The following RPH3A variants were observed in gnomAD, a reference collection of about 807,000 sequenced individuals.
The protein encoded by RPH3A is rabphilin 3A.
Under a neutral mutation model 102.2 loss-of-function variants are expected in RPH3A, and 48 were observed. That is an observed-to-expected ratio of 0.47 (90% confidence interval 0.37 to 0.60). The LOEUF is 0.60. RPH3A is among the 20% of genes least tolerant of loss of function. The probability of loss-of-function intolerance (pLI) is 0.00; values close to 1 mark genes in which losing one functional copy is unlikely to be tolerated. For missense variants in RPH3A, 781 were observed against 910.1 expected (o/e 0.86, Z 1.83); for synonymous variants, 310 against 324.3 (o/e 0.96, Z 0.47).
chr12:112,635,596 G>A (rs1229585288), intron 1 of RPH3A, among the ~76,000 whole-genome samples: 2 of 152,142 alleles, frequency 1.3e-5, no homozygotes, highest in East Asian at 1.9e-4. Context: ...CTGAATATTA[G>A]GAAACACTGA....
At chr12:112,760,517 G>C (rs2040848437) in intron 1 of RPH3A, among the ~76,000 whole-genome samples, 1 of 152,212 alleles carries the variant, frequency 6.6e-6, no homozygotes, top group South Asian at 2.1e-4. Context: ...TTGCAATCTA[G>C]TTGTTAAAGA....
intron 1 of RPH3A, among the ~76,000 whole-genome samples, chr12:112,786,419 C>T (rs551315814): frequency 4.6e-5 from 7 of 152,288 alleles, no homozygotes; most frequent in African/African-American, 7.2e-5. Context: ...CTCTCTGTTT[C>T]GTTTACTTGT....
intron 1 of RPH3A, among the ~76,000 whole-genome samples, chr12:112,639,898 TC>T (rs2039874617): frequency 6.6e-6 from 1 of 152,038 alleles, no homozygotes; most frequent in South Asian, 2.1e-4. Context: ...CACAGTTGAA[TC>T]CTCACAACAG....
chr12:112,834,104 G>T (rs1306866425), intron 3 of RPH3A, among the ~76,000 whole-genome samples: 1 of 152,098 alleles, frequency 6.6e-6, no homozygotes, highest in Non-Finnish European at 1.5e-5. Flanking sequence ...AAACTTCTTT[G>T]TTACCCTTTA....
intron 5 of RPH3A, among the ~76,000 whole-genome samples, chr12:112,863,250 G>A (rs1399524745): frequency 1.3e-5 from 2 of 152,204 alleles, no homozygotes; most frequent in African/African-American, 4.8e-5. Flanking sequence ...AGATCCCCGT[G>A]TCATCTGCGT....
At chr12:112,852,328 AG>A (rs1485911786) in intron 5 of RPH3A, among the ~76,000 whole-genome samples, 6 of 152,216 alleles carry the variant, frequency 3.9e-5, no homozygotes, top group Non-Finnish European at 7.3e-5. Context: ...TATTGAGGAC[AG>A]GAAATAGATC....
At chr12:112,598,475 A>C (rs993207054) in intron 1 of RPH3A, among the ~76,000 whole-genome samples, 1 of 152,204 alleles carries the variant, frequency 6.6e-6, no homozygotes, top group African/African-American at 2.4e-5. Context: ...GGAATCAATA[A>C]ATCAGCCATC....
intron 1 of RPH3A, among the ~76,000 whole-genome samples, chr12:112,654,943 C>T (rs1315129277): frequency 6.6e-6 from 1 of 152,210 alleles, no homozygotes; most frequent in Non-Finnish European, 1.5e-5. Context: ...ATCAGTGTTT[C>T]CCCATTTTGC....
chr12:112,627,064 T>TG (rs1299449243), intron 1 of RPH3A, among the ~76,000 whole-genome samples: 1 of 93,610 alleles, frequency 1.1e-5, no homozygotes, highest in Non-Finnish European at 2.1e-5. Flanking sequence ...TGTGGTGGGG[T>TG]GGGGGGAGGG....
intron 4 of RPH3A, chr12:112,837,693 T>A (rs773241176): frequency 2.9e-5 from 13 of 454,136 alleles, no homozygotes; most frequent in Non-Finnish European, 4.9e-5. Flanking sequence ...TCAGACATGC[T>A]GGAGAGAGAT....
intron 3 of RPH3A, among the ~76,000 whole-genome samples, chr12:112,830,395 A>G (rs1345740591): frequency 6.6e-6 from 1 of 152,160 alleles, no homozygotes; most frequent in Non-Finnish European, 1.5e-5. Flanking sequence ...GTTGGAGAAT[A>G]TGACCTATAT....
chr12:112,697,183 C>A (rs1460396186), intron 1 of RPH3A, among the ~76,000 whole-genome samples: 1 of 152,066 alleles, frequency 6.6e-6, no homozygotes, highest in Non-Finnish European at 1.5e-5. Flanking sequence ...AGAAATAAAA[C>A]TGTATTTTCA....
chr12:112,802,164 T>C (rs1180202816), intron 2 of RPH3A, among the ~76,000 whole-genome samples: 3 of 152,240 alleles, frequency 2.0e-5, no homozygotes, highest in Non-Finnish European at 4.4e-5. Context: ...AGGTAGATGC[T>C]TTGCTCTTTC....
At chr12:112,881,128 A>G (rs994373683) in intron 14 of RPH3A, among the ~76,000 whole-genome samples, 5 of 152,212 alleles carry the variant, frequency 3.3e-5, no homozygotes, top group African/African-American at 9.7e-5. Context: ...GAGGTGGGAC[A>G]TCTGCCTGGT....
At chr12:112,856,019 G>A (rs1441147319) in intron 5 of RPH3A, among the ~76,000 whole-genome samples, 3 of 152,174 alleles carry the variant, frequency 2.0e-5, no homozygotes, top group African/African-American at 7.2e-5. Flanking sequence ...TGGTGAAATC[G>A]TGGTCAGCCA....
chr12:112,805,654 C>G (rs1260612757), intron 2 of RPH3A, among the ~76,000 whole-genome samples: 3 of 152,166 alleles, frequency 2.0e-5, no homozygotes, highest in African/African-American at 7.2e-5. Context: ...AATAATATTC[C>G]TAAGACAGAG....
At chr12:112,660,223 C>T (rs2040040435) in intron 1 of RPH3A, among the ~76,000 whole-genome samples, 1 of 152,068 alleles carries the variant, frequency 6.6e-6, no homozygotes, top group Non-Finnish European at 1.5e-5. Flanking sequence ...CAATGTACAT[C>T]AGTCTATATA....
intron 1 of RPH3A, among the ~76,000 whole-genome samples, chr12:112,610,858 G>A (rs760009887): frequency 2.6e-5 from 4 of 152,102 alleles, no homozygotes; most frequent in African/African-American, 4.8e-5. Flanking sequence ...GGATGGTCTC[G>A]ATCTCCTGAC....
chr12:112,595,416 G>T (rs962974594), intron 1 of RPH3A, among the ~76,000 whole-genome samples: 3 of 152,170 alleles, frequency 2.0e-5, no homozygotes, highest in South Asian at 2.1e-4. Flanking sequence ...GATCCAGAGG[G>T]TATGTAATCA....
Sources: gnomAD v4.1 joint callset for allele counts (sites outside exome capture counted in the v4.1 genomes callset) on GRCh38, gnomAD v4.1.1 for gene constraint, MANE v1.5 for transcripts, NCBI Gene and HGNC (gene_info 2026-07-23, HGNC 2026-07-21) for gene names.